The following ZNF473 variants were observed in gnomAD, a reference collection of about 807,000 sequenced individuals.
ZNF473 encodes the protein zinc finger protein 473, also known as zinc finger protein 100 homolog.
ZNF473 carries 4 observed loss-of-function variants against 11.1 expected under a neutral mutation model. The ratio of observed to expected loss-of-function variants is 0.36; its 90% CI spans 0.18 to 0.82. The LOEUF (loss-of-function observed/expected upper bound fraction) is 0.82. Among genes scored for constraint, ZNF473 ranks in the 40% least tolerant of loss-of-function variants. The pLI, the probability that ZNF473 is intolerant of heterozygous loss-of-function variation, is 0.49. For synonymous variants in ZNF473, 404 were observed against 390.4 expected (o/e 1.03, Z -0.41); for missense variants, 854 against 1,084.0 (o/e 0.79, Z 2.98).
chr19:50,035,473 G>GTGTGTGTA (rs1312279990), intron 2 of ZNF473, among the ~76,000 whole-genome samples: 3 of 151,550 alleles, frequency 2.0e-5, no homozygotes, highest in African/African-American at 7.3e-5. Flanking sequence ...GTGTGTGTGT[G>GTGTGTGTA]TGTGTGTGTG....
In ZNF473 at chr19:50,026,046, C is replaced by A. The variant is rs2077270213; in HGVS notation, c.-268C>A. ...CACAGGAAGTCGCTGCGAGGAGGCGCGTGTGCGGGGAGTTGAATCTCCCGC... is the reference window on the plus strand; with the variant it reads ...CACAGGAAGTCGCTGCGAGGAGGCGAGTGTGCGGGGAGTTGAATCTCCCGC... On this transcript the variant is annotated 5_prime_UTR_variant, in exon 1 of 5. Transcript: ENST00000270617. 1 of 152,644 alleles carries A rather than the reference C, an allele frequency of 6.6e-6. No individual in the cohort carries two copies. Among genetic ancestry groups the A allele is most frequent in the Non-Finnish European group, 1.5e-5 (1 of 68,046 alleles). The allele number at this position is 152,644 out of a possible 1,614,324, so 9.5% of individuals were successfully genotyped here.
At chr19:50,038,218 A>G (rs1394182971) in intron 2 of ZNF473, among the ~76,000 whole-genome samples, 1 of 147,580 alleles carries the variant, frequency 6.8e-6, no homozygotes, top group Admixed American at 6.8e-5. Context: ...ATATAATTAT[A>G]TATAAAATAA....
chr19:50,026,246 T>G (rs2077273567), intron 1 of ZNF473, 124 bp downstream of exon 1: 1 of 152,498 alleles, frequency 6.6e-6, no homozygotes, highest in Non-Finnish European at 1.5e-5. Context: ...AGGGTGAAGG[T>G]GTGAACCGTC....
chr19:50,033,596 A>G (rs1255765482), intron 2 of ZNF473, among the ~76,000 whole-genome samples: 1 of 152,182 alleles, frequency 6.6e-6, no homozygotes, highest in Non-Finnish European at 1.5e-5. Flanking sequence ...AACAAATAAT[A>G]CAAACTTGTG....
intron 3 of ZNF473, 58 bp from the exon 4 acceptor site, chr19:50,041,672 A>T (rs1978776724): frequency 6.9e-7 from 1 of 1,447,772 alleles, no homozygotes; most frequent in Non-Finnish European, 9.4e-7. Flanking sequence ...GTTCTCACTG[A>T]GTGTCTGGAT....
At position 50,045,546 on chromosome 19, in the gene ZNF473, C is replaced by T. The variant is rs191962728; in HGVS notation, c.1103C>T (p.Thr368Ile). The T allele has an allele frequency of 5.5e-5, 88 of 1,614,200 alleles. No individual in the cohort carries two copies. The Admixed American group carries it at 1.4e-3, about 27-fold the overall frequency. ...AAACACCTCATCCAACATCAGAAAA[C>T]TCACGCTGCAAAAACTACCTCTGAG... Reference protein sequence around the residue: ...LRKHLIQHQKTHAAKTTSECQ... With the variant: ...LRKHLIQHQKIHAAKTTSECQ... The change falls in exon 5 of 5, where the codon ACT becomes ATT. Residue 368 changes from threonine to isoleucine, a missense_variant. Transcript: ENST00000270617.
chr19:50,030,849 C>A, intron 1 of ZNF473, 43 bp from the exon 2 acceptor site: 1 of 605,270 alleles, frequency 1.7e-6, no homozygotes, highest in Non-Finnish European at 3.0e-6. Flanking sequence ...AAATGTGGGG[C>A]TGAGGTGGCT....
intron 1 of ZNF473, among the ~76,000 whole-genome samples, chr19:50,029,254 C>T (rs1046092412): frequency 1.3e-5 from 2 of 152,158 alleles, no homozygotes; most frequent in African/African-American, 2.4e-5. Context: ...ACCATTCTCT[C>T]GCCTCAGCCT....
intron 1 of ZNF473, among the ~76,000 whole-genome samples, chr19:50,026,365 T>G (rs1248924589): frequency 1.3e-5 from 2 of 151,428 alleles, no homozygotes; most frequent in Admixed American, 6.6e-5. Flanking sequence ...CAGCCAGGAG[T>G]TCCTCGAACC....
chr19:50,031,850 C>G (rs1484909669), intron 2 of ZNF473, among the ~76,000 whole-genome samples: 1 of 152,126 alleles, frequency 6.6e-6, no homozygotes, highest in Non-Finnish European at 1.5e-5. Context: ...TGGTAAATAT[C>G]TGTTCATCCT....
chr19:50,027,182 G>A (rs1295691356), intron 1 of ZNF473, among the ~76,000 whole-genome samples: 1 of 152,088 alleles, frequency 6.6e-6, no homozygotes, highest in African/African-American at 2.4e-5. Context: ...CCCACACCCC[G>A]AGGAATCTGG....
intron 1 of ZNF473, among the ~76,000 whole-genome samples, chr19:50,030,523 C>A (rs953293923): frequency 1.3e-5 from 2 of 152,160 alleles, no homozygotes; most frequent in Non-Finnish European, 2.9e-5. Context: ...AAAAGAGTAA[C>A]AGTTTCGGAG....
chr19:50,030,939 G>T lies in ZNF473; in HGVS notation c.-144G>T, dbSNP rs1414081655. On this transcript the variant is annotated 5_prime_UTR_variant, in exon 2 of 5. Coordinates refer to ENST00000270617, the MANE Select transcript of ZNF473 (RefSeq NM_015428.4). ...CCTCCTCCTCCTGGACATTTTGGGGGCTCGTCAGCATGGACAGCGAGTCAG... is the reference window on the plus strand; with the variant it reads ...CCTCCTCCTCCTGGACATTTTGGGGTCTCGTCAGCATGGACAGCGAGTCAG... The T allele has an allele frequency of 3.3e-6, 4 of 1,199,120 alleles. No individual in the cohort carries two copies. The highest frequency in any genetic ancestry group is 2.4e-6 in the Non-Finnish European group (2 of 832,646). 74.3% of individuals were successfully genotyped at this position (1,199,120 alleles called of 1,614,324 possible).
chr19:50,040,307 C>T (rs894494475), intron 3 of ZNF473, among the ~76,000 whole-genome samples: 7 of 152,302 alleles, frequency 4.6e-5, no homozygotes, highest in East Asian at 1.9e-4. Context: ...AATGTGATAT[C>T]GCGTGTGAAA....
chr19:50,044,524 T>G, intron 4 of ZNF473, 146 bp from the exon 5 acceptor site: 1 of 642,346 alleles, frequency 1.6e-6, no homozygotes, highest in Non-Finnish European at 2.7e-6. Context: ...ATGGGCTCTG[T>G]CTGTTTTCTG....
Position 50,046,602 on chromosome 19 carries a change from A to G in ZNF473, c.2159A>G (p.His720Arg). ...CGTCAGAGCTCATGCCTTTCTAAGCATCAGAGAATTCACTCAGGTGAGAAG... is the reference window on the plus strand; with the variant it reads ...CGTCAGAGCTCATGCCTTTCTAAGCGTCAGAGAATTCACTCAGGTGAGAAG... ...TFRQSSCLSK[H>R]QRIHSGEKPY... The change falls in exon 5 of 5, where the codon CAT (histidine) becomes CGT (arginine). Residue 720 changes from histidine (H) to arginine (R), a missense_variant. His to Arg is a conservative substitution (Grantham distance 29, BLOSUM62 0). Around this residue, in one of 2 missense-constraint regions of ZNF473, gnomAD observed 186 missense variants for 293.8 expected, o/e 0.63. Transcript: ENST00000270617. The surrounding 1 kb of genome is among the most constrained non-coding windows in gnomAD (Gnocchi z 5.9). 6.2e-7 allele frequency: 1 copy of G among 1,614,258 alleles called. No individual in the cohort carries two copies. The highest frequency in any genetic ancestry group is 8.5e-7 in the Non-Finnish European group (1 of 1,180,052).
intron 2 of ZNF473, among the ~76,000 whole-genome samples, 156 bp downstream of exon 2, chr19:50,031,247 A>G (rs1252526125): frequency 2.6e-5 from 4 of 152,154 alleles, no homozygotes; most frequent in Non-Finnish European, 5.9e-5. Flanking sequence ...TCCCTGTCCC[A>G]TGGTGGCTCC....
At chr19:50,028,048 C>G (rs2077296581) in intron 1 of ZNF473, among the ~76,000 whole-genome samples, 1 of 151,896 alleles carries the variant, frequency 6.6e-6, no homozygotes, top group Non-Finnish European at 1.5e-5. Flanking sequence ...CCTGTAATCC[C>G]AGCACTTTGG....
intron 2 of ZNF473, among the ~76,000 whole-genome samples, chr19:50,036,218 T>C (rs145711982): frequency 0.052 from 7,951 of 151,568 alleles, 685 homozygotes; most frequent in African/African-American, 0.18. Flanking sequence ...CCTCAGCCTC[T>C]CAAAGTGCTG....
Sources: gnomAD v4.1 joint callset for allele counts (sites outside exome capture counted in the v4.1 genomes callset) on GRCh38, gnomAD v4.1.1 for gene constraint, gnomAD v4.1.1 regional missense constraint, Gnocchi (gnomAD v3.1) non-coding constraint, MANE v1.5 for transcripts, NCBI Gene and HGNC (gene_info 2026-07-23, HGNC 2026-07-21) for gene names.